The following IFI35 variants were observed in gnomAD, a reference collection of about 807,000 sequenced individuals.
The protein encoded by IFI35 is interferon-induced 35 kDa protein.
IFI35 carries 30 observed loss-of-function variants against 28.6 expected under a neutral mutation model. That is an observed-to-expected ratio of 1.05 (90% CI 0.79 to 1.43). The LOEUF (loss-of-function observed/expected upper bound fraction) is 1.43, where lower values mean the gene tolerates loss of function less well. IFI35 is among the 40% of genes most tolerant of loss of function. The pLI is 0.00. For missense variants in IFI35, 372 were observed against 356.9 expected (o/e 1.04, Z -0.34); for synonymous variants, 146 against 154.8 (o/e 0.94, Z 0.42).
intron 5 of IFI35, 40 bp from the exon 6 acceptor site, chr17:43,013,736 G>A: frequency 1.2e-6 from 2 of 1,609,598 alleles, no homozygotes; most frequent in Non-Finnish European, 1.7e-6. Flanking sequence ...GAGAGGAGAG[G>A]GCTTGATGCT....
chr17:43,007,824 T>TCA lies in IFI35; in HGVS notation c.21+873_21+874dup, dbSNP rs1399266254. Among the ~76,000 whole-genome samples the TCA allele has an allele frequency of 1.4e-3, 165 of 117,674 alleles. 2 individuals are homozygous for TCA. Among genetic ancestry groups the TCA allele is most frequent in the African/African-American group, 4.2e-3 (130 of 30,700 alleles). 77.2% of individuals were successfully genotyped at this position (117,674 alleles called of 152,430 possible). On this transcript the variant is annotated intron_variant, in intron 1 of 6. Transcript: ENST00000415816. Reference sequence around the variant, plus strand: ...CTGGGCAACAGAGGGAGACTGTCTCTCACACACACACACACACAAAATTTA... The same window carrying TCA: ...CTGGGCAACAGAGGGAGACTGTCTCTCACACACACACACACACACAAAATTTA...
intron 1 of IFI35, among the ~76,000 whole-genome samples, chr17:43,007,503 TA>T (rs777529685): frequency 2.8e-3 from 309 of 108,546 alleles, no homozygotes; most frequent in Middle Eastern, 5.6e-3. Context: ...AGACTCTGTC[TA>T]AAAAAAAAAA....
intron 1 of IFI35, among the ~76,000 whole-genome samples, chr17:43,008,343 C>CTTTTTTT (rs34285823): frequency 1.1e-5 from 1 of 89,406 alleles, no homozygotes; most frequent in Non-Finnish European, 2.1e-5. Context: ...CTTTTCTTTC[C>CTTTTTTT]TTTTTTTTTT....
intron 1 of IFI35, among the ~76,000 whole-genome samples, chr17:43,007,831 C>G (rs1213819121): frequency 1.1e-5 from 1 of 90,358 alleles, no homozygotes; most frequent in Non-Finnish European, 2.0e-5. Flanking sequence ...CTCTCACACA[C>G]ACACACACAC....
chr17:43,006,870 C>A lies in IFI35; in HGVS notation c.-78C>A. The A allele has an allele frequency of 6.6e-7, 1 of 1,520,750 alleles. No homozygotes were observed. The highest frequency in any genetic ancestry group is 9.1e-7 in the Non-Finnish European group (1 of 1,095,210). 94.2% of individuals were successfully genotyped at this position (1,520,750 alleles called of 1,614,324 possible). A position where few individuals can be genotyped will look rare whatever the true frequency, so the allele number is the denominator to read the frequency against. On this transcript the variant is annotated 5_prime_UTR_variant, in exon 1 of 7. Coordinates refer to ENST00000415816, the MANE Select transcript of IFI35 (RefSeq NM_001330230.2). ...ACCACAGCCCTTTGGGGGGTACAAA[C>A]AAGAGTTCAGTTGCTGTGAATTCTG... is the stretch of plus-strand genomic sequence containing the variant.
At position 43,006,821 on chromosome 17, in the gene IFI35, C is replaced by T. The variant is rs1347219851; in HGVS notation, c.-127C>T. 16 of 933,796 alleles carry T rather than the reference C, an allele frequency of 1.7e-5. No individual in the cohort carries two copies. The highest frequency in any genetic ancestry group is 5.3e-5 in the South Asian group (4 of 75,870). The allele number at this position is 933,796 out of a possible 1,614,324, so 57.8% of individuals were successfully genotyped here. The stretch of plus-strand genomic sequence containing the variant: ...GAGCAGAGCCTCCTGAGGTGTATTT[C>T]GGGTCTTGCTGGGGCTGAGAGAGAC... On this transcript the variant is annotated 5_prime_UTR_variant, in exon 1 of 7. Transcript: ENST00000415816.
intron 1 of IFI35, among the ~76,000 whole-genome samples, chr17:43,009,577 A>G (rs2050438958): frequency 6.6e-6 from 1 of 151,776 alleles, no homozygotes; most frequent in African/African-American, 2.4e-5. Context: ...ACATGGTGAA[A>G]CCCCATCTCT....
chr17:43,011,631 A>G (rs944381924), intron 1 of IFI35, among the ~76,000 whole-genome samples: 1 of 152,228 alleles, frequency 6.6e-6, no homozygotes, highest in African/African-American at 2.4e-5. Context: ...AATTCATCAG[A>G]CGGGCTTAGC....
intron 2 of IFI35, 176 bp from the exon 3 acceptor site, chr17:43,012,871 T>G: frequency 1.5e-6 from 1 of 681,318 alleles, no homozygotes; most frequent in South Asian, 1.8e-5. Context: ...CAAATTAAGA[T>G]GTTGTATGTA....
intron 1 of IFI35, among the ~76,000 whole-genome samples, chr17:43,010,939 T>A (rs2050452890): frequency 6.6e-6 from 1 of 152,078 alleles, no homozygotes; most frequent in Non-Finnish European, 1.5e-5. Flanking sequence ...CAAACAAAGG[T>A]GCATTTATTG....
Position 43,006,797 on chromosome 17 carries a change from A to C in IFI35, c.-151A>C. 1 of 733,174 alleles carries C rather than the reference A, an allele frequency of 1.4e-6. No homozygotes were observed. The allele number at this position is 733,174 out of a possible 1,614,324, so 45.4% of individuals were successfully genotyped here. ...TGAAAGTGGAAGCAAACAGCCTGCG[A>C]GCAGAGCCTCCTGAGGTGTATTTCG... On this transcript the variant is annotated 5_prime_UTR_variant, in exon 1 of 7. Transcript: ENST00000415816.
Position 43,013,756 on chromosome 17 carries a change from C to T in IFI35, c.563-20C>T. The T allele has an allele frequency of 6.2e-7, 1 of 1,610,196 alleles. No individual in the cohort carries two copies. The highest frequency in any genetic ancestry group is 1.1e-5 in the South Asian group (1 of 91,026). ...GAGAGGGCTTGATGCTAAAGGCCCA[C>T]CCCTCCTTGCTCCCCACAGTGGCTC... is the stretch of plus-strand genomic sequence containing the variant. On this transcript the variant is annotated intron_variant, in intron 5 of 6. Coordinates refer to ENST00000415816, the MANE Select transcript of IFI35 (RefSeq NM_001330230.2).
intron 1 of IFI35, among the ~76,000 whole-genome samples, chr17:43,008,086 G>A (rs2050425444): frequency 7.0e-6 from 1 of 143,116 alleles, no homozygotes; most frequent in Non-Finnish European, 1.5e-5. Context: ...CTAGGCTGGA[G>A]TACAGTGGCA....
intron 6 of IFI35, 89 bp from the exon 7 acceptor site, chr17:43,014,019 C>T: frequency 7.1e-7 from 1 of 1,402,570 alleles, no homozygotes; most frequent in Non-Finnish European, 9.9e-7. Flanking sequence ...GCCTCCCGAC[C>T]TCATACCCCC....
At position 43,013,821 on chromosome 17, in the gene IFI35, G is replaced by C; in HGVS notation, c.608G>C (p.Gly203Ala). The change falls in exon 6 of 7, where the codon GGT becomes GCT. Residue 203 changes from glycine to alanine, a missense_variant. By Grantham distance (60) the Gly-to-Ala change is moderately conservative. Transcript: ENST00000415816. ...ATCGGCCAGTTCACAGTGCCACTGG[G>C]TGGGCAGCAAGTCCCTCTGAGAGTC... ...CQIGQFTVPL[G>A]GQQVPLRVSP... The C allele has an allele frequency of 6.2e-7, 1 of 1,612,422 alleles. No homozygotes were observed. Among genetic ancestry groups the C allele is most frequent in the Admixed American group, 1.7e-5 (1 of 59,514 alleles).
chr17:43,014,248 C>A lies in IFI35; in HGVS notation c.810C>A (p.Val270=), dbSNP rs750556787. The part of the protein sequence containing the change: ...RGGGEVEALT[V]VPQGQQGLAV... ...GCGGGGAGGTAGAGGCCCTGACAGT[C>A]GTACCCCAAGGACAGCAGGGCCTAG... The change falls in exon 7 of 7, where the codon GTC becomes GTA. Residue 270 remains valine, a synonymous_variant. Coordinates refer to ENST00000415816, the MANE Select transcript of IFI35 (RefSeq NM_001330230.2). 4 of 1,607,810 alleles carry A rather than the reference C, an allele frequency of 2.5e-6. No homozygotes were observed. Among genetic ancestry groups the A allele is most frequent in the Non-Finnish European group, 3.4e-6 (4 of 1,177,112 alleles).
At chr17:43,012,353 C>A in intron 2 of IFI35, 76 bp downstream of exon 2, 1 of 1,081,086 alleles carries the variant, frequency 9.2e-7, no homozygotes. Flanking sequence ...ACCTGTAAAC[C>A]CAGCACTTTG....
In IFI35 at chr17:43,014,289, A is replaced by G. The variant is rs777215135; in HGVS notation, c.851A>G (p.Glu284Gly). 6.4e-7 allele frequency: 1 copy of G among 1,563,870 alleles called. No homozygotes were observed. Among genetic ancestry groups the G allele is most frequent in the South Asian group, 1.2e-5 (1 of 82,436 alleles). ...GQQGLAVFTS[E>G]SG Reference sequence around the variant, plus strand: ...CAGGGCCTAGCAGTCTTCACCTCTGAGTCAGGCTAGGGGCCTCCCCTTCTC... The same window carrying G: ...CAGGGCCTAGCAGTCTTCACCTCTGGGTCAGGCTAGGGGCCTCCCCTTCTC... Residue 284 changes from glutamate (E) to glycine (G), a missense_variant, in exon 7 of 7, where the codon GAG becomes GGG. Physicochemically the swap from Glu to Gly is moderately conservative, Grantham distance 98. Transcript: ENST00000415816.
At chr17:43,010,457 G>A (rs949770762) in intron 1 of IFI35, among the ~76,000 whole-genome samples, 1 of 152,144 alleles carries the variant, frequency 6.6e-6, no homozygotes, top group Non-Finnish European at 1.5e-5. Context: ...ATGGCTAGAA[G>A]CAGTTTACTT....
Sources: allele counts gnomAD v4.1 joint callset (sites outside exome capture counted in the v4.1 genomes callset), GRCh38; gene constraint gnomAD v4.1.1; transcripts MANE v1.5; gene names NCBI Gene and HGNC (gene_info 2026-07-23, HGNC 2026-07-21).